The following AFAP1 variants were observed in gnomAD, a reference collection of about 807,000 sequenced individuals.
AFAP1 encodes actin filament associated protein 1, also known as actin filament-associated protein 1.
In AFAP1, 75 loss-of-function variants were observed where a neutral mutation model predicts 93.9. The observed-to-expected ratio is 0.80, with a 90% CI of 0.66 to 0.97. The LOEUF (loss-of-function observed/expected upper bound fraction) is 0.97. Ranked by LOEUF, AFAP1 falls within the 50% of genes least tolerant of loss-of-function variation. AFAP1 has a pLI of 0.00. For missense variants in AFAP1, 1,201 were observed against 1,050.8 expected, an observed-to-expected ratio of 1.14 and a Z score of -1.98; for synonymous variants, 517 against 430.7, an observed-to-expected ratio of 1.20 and a Z score of -2.48.
intron 1 of AFAP1, among the ~76,000 whole-genome samples, chr4:7,895,640 T>C (rs1021158412): frequency 6.6e-6 from 1 of 152,156 alleles, no homozygotes; most frequent in African/African-American, 2.4e-5. Context: ...GAGTAGATAC[T>C]ATCATTTTAC....
At chr4:7,879,285 C>T (rs760689138) in intron 1 of AFAP1, among the ~76,000 whole-genome samples, 1 of 152,174 alleles carries the variant, frequency 6.6e-6, no homozygotes, top group African/African-American at 2.4e-5. Context: ...CTCATCTGAG[C>T]CTCACAATCT....
intron 14 of AFAP1, chr4:7,777,136 A>T (rs1412714863): frequency 2.6e-5 from 4 of 152,240 alleles, no homozygotes; most frequent in African/African-American, 9.6e-5. Flanking sequence ...TTTTGCTTGT[A>T]ACAAAGCTTT....
intron 14 of AFAP1, chr4:7,775,108 T>C: frequency 1.7e-6 from 1 of 574,434 alleles, no homozygotes; most frequent in Non-Finnish European, 2.9e-6. Context: ...GCCACTGTGC[T>C]CCAGCCTGGA....
intron 4 of AFAP1, among the ~76,000 whole-genome samples, chr4:7,854,726 T>TAA (rs35804263): frequency 6.6e-6 from 1 of 151,646 alleles, no homozygotes; most frequent in African/African-American, 2.4e-5. Context: ...CCTTTCTTTT[T>TAA]AAAAAAAGCA....
At chr4:7,890,615 G>A (rs958706975) in intron 1 of AFAP1, among the ~76,000 whole-genome samples, 1 of 152,112 alleles carries the variant, frequency 6.6e-6, no homozygotes, top group African/African-American at 2.4e-5. Context: ...AAAAACACAT[G>A]AAGACAAACA....
intron 11 of AFAP1, among the ~76,000 whole-genome samples, chr4:7,788,140 G>A (rs951243607): frequency 6.6e-6 from 1 of 152,236 alleles, no homozygotes; most frequent in Non-Finnish European, 1.5e-5. Flanking sequence ...CTAGAGCCTC[G>A]GCCGGGTTCC....
chr4:7,852,748 T>C (rs2149136041), intron 4 of AFAP1, among the ~76,000 whole-genome samples: 1 of 152,280 alleles, frequency 6.6e-6, no homozygotes, highest in East Asian at 1.9e-4. Flanking sequence ...ACGGAACCTG[T>C]TACAGGCTTT....
intron 6 of AFAP1, among the ~76,000 whole-genome samples, chr4:7,825,593 G>A (rs1721351534): frequency 6.6e-6 from 1 of 152,136 alleles, no homozygotes; most frequent in East Asian, 1.9e-4. Flanking sequence ...TTAACACTGT[G>A]TGTAGAATGA....
At chr4:7,895,395 A>T (rs1718706285) in intron 1 of AFAP1, among the ~76,000 whole-genome samples, 1 of 148,940 alleles carries the variant, frequency 6.7e-6, no homozygotes, top group African/African-American at 2.4e-5. Context: ...TCTGTTAAAG[A>T]TTTTTTTAAA....
intron 6 of AFAP1, among the ~76,000 whole-genome samples, chr4:7,830,199 T>C (rs1400845294): frequency 6.6e-6 from 1 of 152,190 alleles, no homozygotes; most frequent in Non-Finnish European, 1.5e-5. Flanking sequence ...TGCTTGCCTA[T>C]GTACAAGGAA....
intron 1 of AFAP1, among the ~76,000 whole-genome samples, chr4:7,901,496 G>A (rs1004632522): frequency 1.3e-5 from 2 of 152,242 alleles, no homozygotes; most frequent in Admixed American, 6.5e-5. Context: ...TCTCCGTGGG[G>A]ACAGCAGCCC....
At chr4:7,833,775 A>G (rs1162185288) in intron 6 of AFAP1, among the ~76,000 whole-genome samples, 1 of 151,876 alleles carries the variant, frequency 6.6e-6, no homozygotes, top group Non-Finnish European at 1.5e-5. Flanking sequence ...TTTTTAGTAG[A>G]CACAGGGTTT....
intron 5 of AFAP1, among the ~76,000 whole-genome samples, chr4:7,840,289 CCTGGTTTGTTTTTGGGGTGT>C (rs1712849816): frequency 1.5e-5 from 1 of 65,458 alleles, no homozygotes; most frequent in Non-Finnish European, 3.3e-5. Context: ...TGTGTGTGTT[CCTGGTTTGTTTTTGGGGTGT>C]GTGTGTGTGT....
At chr4:7,855,796 G>A (rs549930970) in intron 3 of AFAP1, among the ~76,000 whole-genome samples, 1 of 152,276 alleles carries the variant, frequency 6.6e-6, no homozygotes, top group East Asian at 1.9e-4. Context: ...ATGCCGTCCA[G>A]TTCACACCAA....
At chr4:7,926,760 G>A (rs1292079257) in intron 1 of AFAP1, among the ~76,000 whole-genome samples, 1 of 151,812 alleles carries the variant, frequency 6.6e-6, no homozygotes, top group Non-Finnish European at 1.5e-5. Context: ...TTTTTGATAC[G>A]GAGTCTCCCT....
intron 3 of AFAP1, among the ~76,000 whole-genome samples, chr4:7,861,345 A>T (rs73090513): frequency 0.091 from 13,910 of 152,278 alleles, 1,209 homozygotes; most frequent in East Asian, 0.48. Flanking sequence ...GAAGGAATCC[A>T]TGCCGCTGAA....
At chr4:7,930,525 T>C (rs1280498922) in intron 1 of AFAP1, among the ~76,000 whole-genome samples, 1 of 152,146 alleles carries the variant, frequency 6.6e-6, no homozygotes, top group Non-Finnish European at 1.5e-5. Flanking sequence ...CCTGAACCTG[T>C]CTAGGGGCCC....
At chr4:7,786,637 G>A (rs753524311) in intron 11 of AFAP1, among the ~76,000 whole-genome samples, 1 of 147,532 alleles carries the variant, frequency 6.8e-6, no homozygotes, top group East Asian at 1.9e-4. Flanking sequence ...TGGCCCCAAC[G>A]CTAGGTACAC....
chr4:7,916,148 G>A (rs984719044), intron 1 of AFAP1, among the ~76,000 whole-genome samples: 1 of 152,154 alleles, frequency 6.6e-6, no homozygotes, highest in Non-Finnish European at 1.5e-5. Flanking sequence ...CTTTGGGTAG[G>A]AGACCTGCAA....
Sources: gnomAD v4.1 joint callset for allele counts (sites outside exome capture counted in the v4.1 genomes callset) on GRCh38, gnomAD v4.1.1 for gene constraint, MANE v1.5 for transcripts, NCBI Gene and HGNC (gene_info 2026-07-23, HGNC 2026-07-21) for gene names.